Variants in C10orf67 observed in about 807,000 individuals in gnomAD.
C10orf67 encodes the protein uncharacterized protein C10orf67, mitochondrial.
Under a neutral mutation model 35.6 loss-of-function variants are expected in C10orf67, and 60 were observed. That is an observed-to-expected ratio of 1.68 (90% CI 1.37 to 2.09). The LOEUF (loss-of-function observed/expected upper bound fraction) is 2.09, where lower values mean the gene tolerates loss of function less well. C10orf67 is among the 30% of genes most tolerant of loss of function. The probability of loss-of-function intolerance (pLI) is 0.00; values close to 1 mark genes in which losing one functional copy is unlikely to be tolerated. For missense variants in C10orf67, 474 were observed against 330.2 expected (o/e 1.44, Z -3.38); for synonymous variants, 167 against 115.8 (o/e 1.44, Z -2.84).
intron 13 of C10orf67, among the ~76,000 whole-genome samples, chr10:23,236,386 C>G (rs1011193958): frequency 1.5e-4 from 23 of 150,310 alleles, no homozygotes; most frequent in African/African-American, 4.9e-4. Context: ...GAGACGAGAT[C>G]GTGCCACTGC....
intron 4 of C10orf67, among the ~76,000 whole-genome samples, chr10:23,319,081 G>T (rs1844847074): frequency 6.6e-6 from 1 of 152,216 alleles, no homozygotes; most frequent in Middle Eastern, 3.4e-3. Context: ...ACAGGGTTTG[G>T]TGTACAGATT....
In C10orf67 at chr10:23,306,491, T is replaced by TCCAGC. The variant is rs573649674; in HGVS notation, c.547-3037_547-3033dup. Among the ~76,000 whole-genome samples, 60 of 133,040 alleles carry TCCAGC rather than the reference T, an allele frequency of 4.5e-4. No individual in the cohort carries two copies. The Middle Eastern group carries it at 0.015, about 32-fold the overall frequency. The allele number at this position is 133,040 out of a possible 152,430, so 87.3% of individuals were successfully genotyped here. ...GTGAGCCGAGATAGCACCACTGCACTCCAGCCCAGCCTGGGTGACAGTGCC... is the reference window on the plus strand; with the variant it reads ...GTGAGCCGAGATAGCACCACTGCACTCCAGCCCAGCCCAGCCTGGGTGACAGTGCC... On this transcript the variant is annotated intron_variant, in intron 4 of 15. Coordinates refer to ENST00000636213, the MANE Select transcript of C10orf67 (RefSeq NM_001371909.1).
intron 5 of C10orf67, among the ~76,000 whole-genome samples, chr10:23,292,350 T>C (rs1490007446): frequency 6.6e-6 from 1 of 152,128 alleles, no homozygotes; most frequent in South Asian, 2.1e-4. Flanking sequence ...AAACAGATTA[T>C]GCAATCTCAA....
intron 8 of C10orf67, among the ~76,000 whole-genome samples, chr10:23,272,489 A>G (rs1843056563): frequency 1.3e-5 from 2 of 152,206 alleles, no homozygotes; most frequent in African/African-American, 2.4e-5. Context: ...TCAGAAATCA[A>G]TTCATTATAT....
At chr10:23,294,727 T>A (rs1700345830) in intron 5 of C10orf67, among the ~76,000 whole-genome samples, 1 of 152,048 alleles carries the variant, frequency 6.6e-6, no homozygotes, top group Non-Finnish European at 1.5e-5. Context: ...TTATTTCACT[T>A]TTTTTTTCAA....
intron 4 of C10orf67, chr10:23,318,996 T>C: frequency 1.4e-6 from 1 of 718,690 alleles, no homozygotes; most frequent in South Asian, 1.5e-5. Flanking sequence ...TGAGAACCCT[T>C]TTTTTTCTTT....
At chr10:23,303,494 C>CACTAAG in intron 4 of C10orf67, 35 bp from the exon 5 acceptor site, 2 of 462,740 alleles carry the variant, frequency 4.3e-6, no homozygotes, top group Admixed American at 4.2e-5. Flanking sequence ...AAAAATTAGA[C>CACTAAG]ACTAAGCATT....
intron 7 of C10orf67, among the ~76,000 whole-genome samples, chr10:23,283,831 G>T (rs868102425): frequency 1.3e-5 from 2 of 151,970 alleles, no homozygotes; most frequent in Non-Finnish European, 1.5e-5. Context: ...CTTGTGTGCC[G>T]CACACCAAAC....
At chr10:23,229,289 T>C (rs1165127324) in intron 13 of C10orf67, among the ~76,000 whole-genome samples, 4 of 151,874 alleles carry the variant, frequency 2.6e-5, no homozygotes, top group Non-Finnish European at 4.4e-5. Context: ...TTTAGGGACA[T>C]GGATGAAGCT....
intron 8 of C10orf67, among the ~76,000 whole-genome samples, chr10:23,273,229 G>T (rs1015001177): frequency 1.3e-5 from 2 of 152,172 alleles, no homozygotes; most frequent in Non-Finnish European, 2.9e-5. Context: ...TTGAATGGAA[G>T]TGATAAGAGC....
At chr10:23,284,187 C>T (rs1386136792) in intron 7 of C10orf67, among the ~76,000 whole-genome samples, 1 of 151,600 alleles carries the variant, frequency 6.6e-6, no homozygotes, top group Non-Finnish European at 1.5e-5. Flanking sequence ...TTCCATTCTT[C>T]CATTTCCTGC....
chr10:23,266,997 G>A (rs374819742), intron 9 of C10orf67, among the ~76,000 whole-genome samples, 198 bp downstream of exon 9: 2 of 151,986 alleles, frequency 1.3e-5, no homozygotes, highest in East Asian at 1.9e-4. Flanking sequence ...CTCCTGCCTC[G>A]GCCTCCTAAA....
chr10:23,328,901 C>T (rs1232110056), intron 2 of C10orf67, among the ~76,000 whole-genome samples: 4 of 148,710 alleles, frequency 2.7e-5, no homozygotes, highest in Non-Finnish European at 5.9e-5. Flanking sequence ...AGGAGGATCA[C>T]TTGAGCCCAG....
intron 2 of C10orf67, among the ~76,000 whole-genome samples, chr10:23,329,228 T>A (rs764407439): frequency 1.6e-4 from 24 of 151,556 alleles, no homozygotes; most frequent in Non-Finnish European, 3.5e-4. Flanking sequence ...GCAGACAATA[T>A]CAGACAACAT....
At chr10:23,280,187 A>G (rs1165398513) in intron 8 of C10orf67, among the ~76,000 whole-genome samples, 2 of 152,146 alleles carry the variant, frequency 1.3e-5, no homozygotes, top group Non-Finnish European at 2.9e-5. Flanking sequence ...GTGCCTCTTT[A>G]CTACCAGTTC....
At chr10:23,223,417 A>C (rs906136252) in intron 15 of C10orf67, among the ~76,000 whole-genome samples, 181 bp downstream of exon 15, 1 of 152,194 alleles carries the variant, frequency 6.6e-6, no homozygotes, top group African/African-American at 2.4e-5. Context: ...CAGTAGTCAG[A>C]AGTATATATT....
chr10:23,241,099 A>C (rs142391995), intron 12 of C10orf67, among the ~76,000 whole-genome samples: 168 of 152,352 alleles, frequency 1.1e-3, no homozygotes, highest in African/African-American at 3.6e-3. Flanking sequence ...CCAGGCCTTG[A>C]AACCTAATGG....
intron 5 of C10orf67, among the ~76,000 whole-genome samples, chr10:23,303,012 T>G (rs879398887): frequency 1.3e-5 from 2 of 152,234 alleles, no homozygotes; most frequent in African/African-American, 2.4e-5. Context: ...ACTCCCACAC[T>G]CTTCTAGAGT....
Position 23,267,273 on chromosome 10 carries a change from A to C in C10orf67, c.976-19T>G. The C allele has an allele frequency of 1.4e-6, 1 of 699,412 alleles. No homozygotes were observed. Among genetic ancestry groups the C allele is most frequent in the Non-Finnish European group, 2.6e-6 (1 of 380,258 alleles). The allele number at this position is 699,412 out of a possible 1,614,324, so 43.3% of individuals were successfully genotyped here. ...TATTAATCTGTAAAATTGAAGACCC[A>C]TATCATTGGTTATTATCTGCAAAGA... On this transcript the variant is annotated intron_variant, in intron 8 of 15. Transcript: ENST00000636213.
Sources: allele counts gnomAD v4.1 joint callset (sites outside exome capture counted in the v4.1 genomes callset), GRCh38; gene constraint gnomAD v4.1.1; transcripts MANE v1.5; gene names NCBI Gene and HGNC (gene_info 2026-07-23, HGNC 2026-07-21).